The following LRPPRC variants were observed in gnomAD, a reference collection of about 807,000 sequenced individuals.
The protein encoded by LRPPRC is leucine rich pentatricopeptide repeat containing.
LRPPRC carries 120 observed loss-of-function variants against 180.3 expected under a neutral mutation model. The observed-to-expected ratio is 0.67, with a 90% CI of 0.57 to 0.77. The LOEUF (loss-of-function observed/expected upper bound fraction) is 0.77. Ranked by LOEUF, LRPPRC falls within the 30% of genes least tolerant of loss-of-function variation. LRPPRC has a pLI of 0.00. For missense variants in LRPPRC, 2,012 were observed against 1,657.2 expected (o/e 1.21, Z -3.72); for synonymous variants, 723 against 600.0 (o/e 1.21, Z -3.00).
intron 29 of LRPPRC, among the ~76,000 whole-genome samples, chr2:43,914,831 TTTAA>T (rs1159046535): frequency 6.6e-6 from 1 of 152,142 alleles, no homozygotes; most frequent in East Asian, 1.9e-4. Flanking sequence ...CTGCATTGTA[TTTAA>T]TTATTTAACT....
intron 34 of LRPPRC, among the ~76,000 whole-genome samples, chr2:43,898,141 C>T (rs75317312): frequency 0.011 from 1,590 of 150,156 alleles, 29 homozygotes; most frequent in African/African-American, 0.037. Flanking sequence ...CCCAGTGAAC[C>T]GGAATTTCCC....
intron 29 of LRPPRC, among the ~76,000 whole-genome samples, chr2:43,914,364 A>G (rs1350528275): frequency 6.6e-6 from 1 of 152,190 alleles, no homozygotes; most frequent in East Asian, 1.9e-4. Context: ...GTAAGCATTC[A>G]ATTTTCAAAG....
chr2:43,987,666 G>C (rs1338600710), intron 1 of LRPPRC, among the ~76,000 whole-genome samples: 1 of 151,954 alleles, frequency 6.6e-6, no homozygotes, highest in African/African-American at 2.4e-5. Flanking sequence ...GATGTCTGAG[G>C]CTCTTGATGA....
At chr2:43,889,164 A>T (rs1489121759) in intron 37 of LRPPRC, among the ~76,000 whole-genome samples, 2 of 151,874 alleles carry the variant, frequency 1.3e-5, no homozygotes, top group African/African-American at 4.8e-5. Flanking sequence ...AAAATACGAA[A>T]ATGTGCCAGG....
chr2:43,979,838 G>C lies in LRPPRC; in HGVS notation c.457C>G (p.Leu153Val). The stretch of plus-strand genomic sequence containing the variant: ...TAAACAATCATACCTAATTTCTGAA[G>C]TGTGTCCCATATCCTATGAGCAAAT... ...TEFAHRIWDT[L>V]QKLGAVYDVS... Residue 153 changes from leucine to valine, a missense_variant, in exon 3 of 38, where the codon CTT becomes GTT. Physicochemically the swap from Leu to Val is conservative, Grantham distance 32 (BLOSUM62 1). Transcript: ENST00000260665. The C allele has an allele frequency of 6.2e-7, 1 of 1,612,944 alleles. No individual in the cohort carries two copies. The highest frequency in any genetic ancestry group is 2.2e-5 in the East Asian group (1 of 44,808).
intron 14 of LRPPRC, among the ~76,000 whole-genome samples, chr2:43,956,896 AT>A (rs1673141686): frequency 6.6e-6 from 1 of 152,194 alleles, no homozygotes; most frequent in Non-Finnish European, 1.5e-5. Context: ...TCTCAAAAAA[AT>A]AAATCAAATA....
chr2:43,889,017 C>T (rs540605226), intron 37 of LRPPRC, among the ~76,000 whole-genome samples: 13 of 152,166 alleles, frequency 8.5e-5, no homozygotes, highest in Non-Finnish European at 8.8e-5. Context: ...TATGTGATTT[C>T]TCTTATTAAA....
chr2:43,948,286 A>T, intron 17 of LRPPRC, 87 bp from the exon 18 acceptor site: 1 of 962,486 alleles, frequency 1.0e-6, no homozygotes, highest in South Asian at 1.3e-5. Context: ...CTCAGACATA[A>T]TTTAAGTCTC....
chr2:43,954,848 A>G (rs1246742107), intron 14 of LRPPRC, among the ~76,000 whole-genome samples: 1 of 152,226 alleles, frequency 6.6e-6, no homozygotes, highest in Admixed American at 6.5e-5. Flanking sequence ...GATTTATATC[A>G]GTAGACCAAG....
chr2:43,950,046 T>C (rs1205401221), intron 15 of LRPPRC, among the ~76,000 whole-genome samples: 1 of 152,222 alleles, frequency 6.6e-6, no homozygotes, highest in Non-Finnish European at 1.5e-5. Context: ...ACTGAACTGG[T>C]TTCCTCATTT....
At chr2:43,894,953 T>C (rs1230247865) in intron 35 of LRPPRC, among the ~76,000 whole-genome samples, 1 of 152,192 alleles carries the variant, frequency 6.6e-6, no homozygotes, top group Non-Finnish European at 1.5e-5. Context: ...GGTAGAGAGA[T>C]AACAACCCTA....
intron 29 of LRPPRC, 21 bp downstream of exon 29, chr2:43,918,004 C>T: frequency 1.3e-6 from 2 of 1,529,126 alleles, no homozygotes; most frequent in African/African-American, 2.7e-5. Context: ...CACACACACC[C>T]CCATCCCCGT....
intron 29 of LRPPRC, 78 bp downstream of exon 29, chr2:43,917,934 AGCACTTCTAATTG>A: frequency 1.2e-6 from 1 of 837,220 alleles, no homozygotes; most frequent in Admixed American, 2.1e-5. Context: ...TCTATCCTAG[AGCACTTCTAATTG>A]GTTGGGCTTA....
intron 1 of LRPPRC, among the ~76,000 whole-genome samples, chr2:43,990,134 G>A (rs145388133): frequency 1.8e-3 from 273 of 152,194 alleles, no homozygotes; most frequent in Non-Finnish European, 3.0e-3. Context: ...TGGGAGAATC[G>A]CTTGAACCTG....
At chr2:43,936,758 C>G (rs932527003) in intron 23 of LRPPRC, among the ~76,000 whole-genome samples, 1 of 152,164 alleles carries the variant, frequency 6.6e-6, no homozygotes, top group Non-Finnish European at 1.5e-5. Flanking sequence ...CCCACAGAGT[C>G]ATTTGAATTT....
At chr2:43,903,396 G>C (rs1159209485) in intron 31 of LRPPRC, 1 of 152,052 alleles carries the variant, frequency 6.6e-6, no homozygotes, top group Non-Finnish European at 1.5e-5. Context: ...CTTTAGATGG[G>C]GTTGAGAAAA....
At chr2:43,950,630 A>C (rs1285299844) in intron 14 of LRPPRC, 30 bp from the exon 15 acceptor site, 1 of 1,589,982 alleles carries the variant, frequency 6.3e-7, no homozygotes, top group African/African-American at 1.3e-5. Flanking sequence ...ATCGAAAATA[A>C]ACCCAGGTTT....
At chr2:43,990,424 C>T (rs898457904) in intron 1 of LRPPRC, among the ~76,000 whole-genome samples, 1 of 152,142 alleles carries the variant, frequency 6.6e-6, no homozygotes, top group African/African-American at 2.4e-5. Flanking sequence ...TCCATCCCCA[C>T]GTTCCTATAA....
In LRPPRC at chr2:43,982,495, C is replaced by A. The variant is rs902059677; in HGVS notation, c.150-61G>T. 3 of 1,312,504 alleles carry A rather than the reference C, an allele frequency of 2.3e-6. No individual in the cohort carries two copies. The African/African-American group carries it at 4.4e-5, about 19-fold the overall frequency. The allele number at this position is 1,312,504 out of a possible 1,614,324, so 81.3% of individuals were successfully genotyped here. ...CTATCTATTTAGGTCATTTTTTGAA[C>A]AAAACTTAAACAAATTTTAAAATTA... is the stretch of plus-strand genomic sequence containing the variant. On this transcript the variant is annotated intron_variant, in intron 1 of 37. Coordinates refer to ENST00000260665, the MANE Select transcript of LRPPRC (RefSeq NM_133259.4).
Sources: allele counts gnomAD v4.1 joint callset (sites outside exome capture counted in the v4.1 genomes callset), GRCh38; gene constraint gnomAD v4.1.1; transcripts MANE v1.5; gene names NCBI Gene and HGNC (gene_info 2026-07-23, HGNC 2026-07-21).